The following HS3ST3B1 variants were observed in gnomAD, a reference collection of about 807,000 sequenced individuals.
The protein encoded by HS3ST3B1 is heparan sulfate-glucosamine 3-sulfotransferase 3B1.
In HS3ST3B1, 13 loss-of-function variants were observed where a neutral mutation model predicts 21.3. The ratio of observed to expected loss-of-function variants is 0.61; its 90% CI spans 0.40 to 0.97. HS3ST3B1 has a LOEUF of 0.97. Among genes scored for constraint, HS3ST3B1 ranks in the 50% least tolerant of loss-of-function variants. The pLI, the probability that HS3ST3B1 is intolerant of heterozygous loss-of-function variation, is 0.00. For missense variants in HS3ST3B1, 459 were observed against 554.8 expected, an observed-to-expected ratio of 0.83 and a Z score of 1.73; for synonymous variants, 234 against 254.8, an observed-to-expected ratio of 0.92 and a Z score of 0.78.
At chr17:14,343,743 AC>A (rs1312163752) in intron 1 of HS3ST3B1, among the ~76,000 whole-genome samples, 1 of 152,192 alleles carries the variant, frequency 6.6e-6, no homozygotes, top group Non-Finnish European at 1.5e-5. Flanking sequence ...CCATTGATAG[AC>A]ACTTAAGTTG....
rs1488494177 is a variant in HS3ST3B1 at position 14,301,850 on chromosome 17, C to T, written c.332C>T (p.Pro111Leu). The T allele has an allele frequency of 5.6e-6, 9 of 1,594,530 alleles. No homozygotes were observed. The highest frequency in any genetic ancestry group is 3.5e-5 in the Admixed American group (2 of 56,846). The change falls in exon 1 of 2, where the codon CCG becomes CTG. Residue 111 changes from proline (P) to leucine (L), a missense_variant. Physicochemically the swap from Pro to Leu is moderately conservative, Grantham distance 98. Around this residue, in one of 3 missense-constraint regions of HS3ST3B1, gnomAD observed 317 missense variants for 278.6 expected, o/e 1.14. Transcript: ENST00000360954. ...GAGATGGCCGAGGGCGCTGCGAGCC[C>T]GGAGGAGCAGAGTCCCGAGGTGCCG... ...GKEMAEGAASPEEQSPEVPDS... is the reference protein window; with the variant it reads ...GKEMAEGAASLEEQSPEVPDS...
At chr17:14,323,408 T>A (rs1019993883) in intron 1 of HS3ST3B1, among the ~76,000 whole-genome samples, 7 of 152,158 alleles carry the variant, frequency 4.6e-5, no homozygotes, top group Non-Finnish European at 8.8e-5. Flanking sequence ...TGAAGAATCA[T>A]GTATCTTCAG....
intron 1 of HS3ST3B1, among the ~76,000 whole-genome samples, chr17:14,331,363 G>A (rs1380168870): frequency 1.3e-5 from 2 of 151,424 alleles, no homozygotes; most frequent in Non-Finnish European, 2.9e-5. Context: ...GCCTATAACC[G>A]AGGATTCTGC....
chr17:14,339,422 T>C (rs780570307), intron 1 of HS3ST3B1, among the ~76,000 whole-genome samples: 1 of 152,114 alleles, frequency 6.6e-6, no homozygotes, highest in Non-Finnish European at 1.5e-5. Flanking sequence ...AGAGGACAGG[T>C]GTGTAGCTCT....
At chr17:14,309,460 C>G (rs1373568463) in intron 1 of HS3ST3B1, among the ~76,000 whole-genome samples, 2 of 152,168 alleles carry the variant, frequency 1.3e-5, no homozygotes, top group Non-Finnish European at 2.9e-5. Flanking sequence ...GCCGGCGGGA[C>G]CCGTCTTCGC....
At chr17:14,312,901 CTTTTTTTT>C (rs35154149) in intron 1 of HS3ST3B1, among the ~76,000 whole-genome samples, 2 of 129,456 alleles carry the variant, frequency 1.5e-5, no homozygotes, top group Non-Finnish European at 3.2e-5. Context: ...GTGAAAATGT[CTTTTTTTT>C]TTTTTTTTTT....
At chr17:14,326,024 T>TAC (rs1909804980) in intron 1 of HS3ST3B1, among the ~76,000 whole-genome samples, 2 of 151,658 alleles carry the variant, frequency 1.3e-5, no homozygotes, top group African/African-American at 2.4e-5. Context: ...TGTGTGTACG[T>TAC]GTGTGTGTGT....
intron 1 of HS3ST3B1, among the ~76,000 whole-genome samples, chr17:14,307,995 C>G (rs1434468811): frequency 1.3e-5 from 2 of 152,090 alleles, no homozygotes; most frequent in Non-Finnish European, 2.9e-5. Flanking sequence ...CTGCCTACCT[C>G]GAATGAAAAC....
At chr17:14,326,584 A>T (rs1752946992) in intron 1 of HS3ST3B1, among the ~76,000 whole-genome samples, 1 of 152,112 alleles carries the variant, frequency 6.6e-6, no homozygotes, top group Admixed American at 6.5e-5. Context: ...ATGTTCCTAA[A>T]TAGGAGCATC....
chr17:14,338,634 G>A (rs1910271349), intron 1 of HS3ST3B1, among the ~76,000 whole-genome samples: 1 of 151,582 alleles, frequency 6.6e-6, no homozygotes, highest in Non-Finnish European at 1.5e-5. Context: ...GTAGAGATTA[G>A]GTTTTTACAT....
intron 1 of HS3ST3B1, among the ~76,000 whole-genome samples, chr17:14,317,666 G>A (rs1414076423): frequency 6.6e-6 from 1 of 152,106 alleles, no homozygotes; most frequent in Non-Finnish European, 1.5e-5. Flanking sequence ...TGCAGCTTGG[G>A]CAAAACGGTG....
At chr17:14,333,566 A>G (rs1251728090) in intron 1 of HS3ST3B1, among the ~76,000 whole-genome samples, 1 of 151,850 alleles carries the variant, frequency 6.6e-6, no homozygotes, top group Non-Finnish European at 1.5e-5. Context: ...TACAGCATAG[A>G]CAAGTGGGGA....
chr17:14,341,915 T>A (rs1910396995), intron 1 of HS3ST3B1, among the ~76,000 whole-genome samples: 1 of 152,220 alleles, frequency 6.6e-6, no homozygotes, highest in African/African-American at 2.4e-5. Flanking sequence ...CTCAATCACA[T>A]TAGCCTGATG....
At chr17:14,310,400 C>T (rs2142326708) in intron 1 of HS3ST3B1, among the ~76,000 whole-genome samples, 1 of 152,316 alleles carries the variant, frequency 6.6e-6, no homozygotes, top group South Asian at 2.1e-4. Context: ...CCCACAAAGG[C>T]CCCAGCCCCA....
chr17:14,331,245 C>A (rs972984752), intron 1 of HS3ST3B1, among the ~76,000 whole-genome samples: 13 of 151,974 alleles, frequency 8.6e-5, no homozygotes, highest in Non-Finnish European at 1.3e-4. Context: ...GAGCAGTACC[C>A]CAGAGAGCTC....
chr17:14,313,565 C>T (rs1909401829), intron 1 of HS3ST3B1, among the ~76,000 whole-genome samples: 1 of 152,154 alleles, frequency 6.6e-6, no homozygotes, highest in African/African-American at 2.4e-5. Flanking sequence ...AGACTTCCCT[C>T]CGTCATTTCT....
intron 1 of HS3ST3B1, among the ~76,000 whole-genome samples, chr17:14,326,690 G>A (rs899212245): frequency 4.0e-5 from 6 of 151,874 alleles, no homozygotes; most frequent in Admixed American, 1.3e-4. Context: ...AGGCCGAGGC[G>A]GGTGGATCAC....
intron 1 of HS3ST3B1, among the ~76,000 whole-genome samples, chr17:14,340,604 A>G (rs1376201893): frequency 1.3e-5 from 2 of 151,870 alleles, no homozygotes; most frequent in Non-Finnish European, 2.9e-5. Context: ...TTCTTTTGAG[A>G]CAGAGTCTCA....
Position 14,305,746 on chromosome 17 carries a change from C to CGT in HS3ST3B1, c.554+3687_554+3688dup, listed in dbSNP as rs566690236. Reference sequence around the variant, plus strand: ...CCCACATTAAACAAAGTATACCGTACGTGTGTGTGTGTGTATGTGGCATAA... The same window carrying CGT: ...CCCACATTAAACAAAGTATACCGTACGTGTGTGTGTGTGTGTATGTGGCATAA... On this transcript the variant is annotated intron_variant, in intron 1 of 1. Transcript: ENST00000360954. 2.0e-4 allele frequency among the ~76,000 whole-genome samples: 30 copies of CGT among 151,638 alleles called. No individual in the cohort carries two copies. In the South Asian group the frequency reaches 2.7e-3, roughly 14 times the overall value.
Sources: allele counts gnomAD v4.1 joint callset (sites outside exome capture counted in the v4.1 genomes callset), GRCh38; gene constraint gnomAD v4.1.1; regional missense constraint gnomAD v4.1.1; transcripts MANE v1.5; gene names NCBI Gene and HGNC (gene_info 2026-07-23, HGNC 2026-07-21).